Variants in HTT observed in about 807,000 individuals in gnomAD.
The protein encoded by HTT is huntington disease protein.
Under a neutral mutation model 362.3 loss-of-function variants are expected in HTT, and 104 were observed. The observed-to-expected ratio is 0.29, with a 90% CI of 0.24 to 0.34. The LOEUF is 0.34. Ranked by LOEUF, HTT falls within the 10% of genes least tolerant of loss-of-function variation. The pLI, the probability that HTT is intolerant of heterozygous loss-of-function variation, is 1.00. For missense variants in HTT, 3,301 were observed against 3,928.6 expected (o/e 0.84, Z 4.27); for synonymous variants, 1,577 against 1,548.7 (o/e 1.02, Z -0.43).
chr4:3,236,806 A>G (rs967320703), intron 64 of HTT, among the ~76,000 whole-genome samples: 2 of 146,886 alleles, frequency 1.4e-5, no homozygotes, highest in Non-Finnish European at 3.0e-5. Flanking sequence ...GGCTTCCCTC[A>G]CCTGCTCTGG....
At chr4:3,077,913 C>T (rs532870903) in intron 1 of HTT, among the ~76,000 whole-genome samples, 2 of 152,314 alleles carry the variant, frequency 1.3e-5, no homozygotes, top group African/African-American at 2.4e-5. Flanking sequence ...GTTCTGTTCA[C>T]GTGCTTCAGC....
intron 24 of HTT, 44 bp downstream of exon 24, chr4:3,145,272 T>G (rs936063670): frequency 1.6e-5 from 21 of 1,298,282 alleles, no homozygotes; most frequent in Non-Finnish European, 2.2e-5. Flanking sequence ...TCTACAACAG[T>G]ATGACATAAA....
chr4:3,146,492 C>G (rs1315266861), intron 24 of HTT, among the ~76,000 whole-genome samples: 1 of 152,192 alleles, frequency 6.6e-6, no homozygotes, highest in Non-Finnish European at 1.5e-5. Flanking sequence ...GCCCAAATGT[C>G]TGGGTAGCTG....
rs147896751 is a variant in HTT, at chr4:3,183,770, G to T, written c.4866+1300G>T. 2.7e-3 allele frequency among the ~76,000 whole-genome samples: 416 copies of T among 151,448 alleles called. 2 individuals are homozygous for T. The highest frequency in any genetic ancestry group is 9.5e-3 in the African/African-American group (391 of 41,268). The stretch of plus-strand genomic sequence containing the variant: ...AATCTGAGTAGAGTGGAGATCGAAG[G>T]CCTGAATACATAGTAAATACCTGAC... On this transcript the variant is annotated intron_variant, in intron 37 of 66. Coordinates refer to ENST00000355072, the MANE Select transcript of HTT (RefSeq NM_001388492.1).
At chr4:3,134,776 C>T (rs1302990284) in intron 19 of HTT, among the ~76,000 whole-genome samples, 1 of 152,142 alleles carries the variant, frequency 6.6e-6, no homozygotes, top group Admixed American at 6.5e-5. Context: ...GTCGCCCAGG[C>T]TTGAATGCAG....
At chr4:3,186,518 T>G in intron 37 of HTT, 79 bp from the exon 38 acceptor site, 1,646 of 1,491,066 alleles carry the variant, frequency 1.1e-3, no homozygotes, top group Non-Finnish European at 1.4e-3. Flanking sequence ...GATTTGCCCT[T>G]GAGTTACATA....
intron 29 of HTT, 128 bp from the exon 30 acceptor site, chr4:3,172,192 C>A: frequency 1.5e-6 from 1 of 685,246 alleles, no homozygotes; most frequent in South Asian, 1.7e-5. Context: ...TGAAAACTTT[C>A]CTCTGATTTT....
At chr4:3,234,027 T>C (rs1721398685) in intron 61 of HTT, among the ~76,000 whole-genome samples, 1 of 151,990 alleles carries the variant, frequency 6.6e-6, no homozygotes, top group African/African-American at 2.4e-5. Flanking sequence ...GCCACCCACA[T>C]GGGGGAGTTG....
intron 9 of HTT, among the ~76,000 whole-genome samples, chr4:3,122,368 G>C (rs73792195): frequency 0.054 from 8,288 of 152,312 alleles, 690 homozygotes; most frequent in African/African-American, 0.18. Flanking sequence ...GTAGTGCACA[G>C]TGTGTGTGCA....
intron 24 of HTT, 46 bp from the exon 25 acceptor site, chr4:3,146,751 G>T: frequency 6.3e-7 from 1 of 1,579,180 alleles, no homozygotes; most frequent in East Asian, 2.2e-5. Context: ...ACTGTTGTTT[G>T]CTTAAAAATT....
At chr4:3,116,574 A>C (rs1415094858) in intron 8 of HTT, among the ~76,000 whole-genome samples, 1 of 152,172 alleles carries the variant, frequency 6.6e-6, no homozygotes, top group Non-Finnish European at 1.5e-5. Flanking sequence ...CTGATTGAGC[A>C]CCCACTGTGT....
intron 39 of HTT, chr4:3,188,240 T>C (rs1718857634): frequency 5.0e-6 from 1 of 199,894 alleles, no homozygotes; most frequent in Non-Finnish European, 1.0e-5. Context: ...GAGTCTCAGA[T>C]TGTCACCATG....
chr4:3,138,307 ATGG>A (rs1716181374), intron 21 of HTT, among the ~76,000 whole-genome samples: 1 of 152,006 alleles, frequency 6.6e-6, no homozygotes, highest in Admixed American at 6.6e-5. Flanking sequence ...TTTTGGTTAC[ATGG>A]TGAAGTCTGA....
Position 3,181,456 on chromosome 4 carries a change from A to G in HTT, c.4749+805A>G, listed in dbSNP as rs363127. ...TCTGGTTTTGTTTTCTTAAAGTGGCATAAGAATTCAAAGACATTTTGAGGA... is the reference window on the plus strand; with the variant it reads ...TCTGGTTTTGTTTTCTTAAAGTGGCGTAAGAATTCAAAGACATTTTGAGGA... On this transcript the variant is annotated intron_variant, in intron 36 of 66. Coordinates refer to ENST00000355072, the MANE Select transcript of HTT (RefSeq NM_001388492.1). 5.8e-3 allele frequency among the ~76,000 whole-genome samples: 886 copies of G among 152,300 alleles called. 11 individuals are homozygous for G. The highest frequency in any genetic ancestry group is 0.02 in the African/African-American group (843 of 41,550).
In HTT at chr4:3,121,197, G is replaced by T; in HGVS notation, c.1069-31G>T. Reference sequence around the variant, plus strand: ...GCTTAGGATGCATTTTATAAACTCTGACCAGAACACCTGTGTTTCTCTGTT... The same window carrying T: ...GCTTAGGATGCATTTTATAAACTCTTACCAGAACACCTGTGTTTCTCTGTT... On this transcript the variant is annotated intron_variant, in intron 8 of 66. Transcript: ENST00000355072. 6 of 1,557,476 alleles carry T rather than the reference G, an allele frequency of 3.9e-6. No homozygotes were observed. The South Asian group carries it at 6.7e-5, about 17-fold the overall frequency.
chr4:3,228,338 G>C lies in HTT; in HGVS notation c.7849-277G>C, dbSNP rs1721020342. On this transcript the variant is annotated intron_variant, in intron 57 of 66. Coordinates refer to ENST00000355072, the MANE Select transcript of HTT (RefSeq NM_001388492.1). This position sits in a 1 kb window ranked among gnomAD's most constrained non-coding sequence, Gnocchi z 4.3. ...TTAGGAGTGAAAGCATCCCTTCGTA[G>C]AGCCTCTTTCTGTGTCACCCTCCTC... Among the ~76,000 whole-genome samples, 1 of 152,216 alleles carries C rather than the reference G, an allele frequency of 6.6e-6. No individual in the cohort carries two copies. The highest frequency in any genetic ancestry group is 2.4e-5 in the African/African-American group (1 of 41,446).
intron 2 of HTT, among the ~76,000 whole-genome samples, chr4:3,089,323 A>G (rs1249302658): frequency 6.6e-6 from 1 of 151,670 alleles, no homozygotes; most frequent in Non-Finnish European, 1.5e-5. Flanking sequence ...GTGCAATCTC[A>G]GCTCACTGCA....
rs755323215 is a variant in HTT, at chr4:3,180,500, C to T, written c.4613-15C>T. On this transcript the variant is annotated splice_polypyrimidine_tract_variant and intron_variant, in intron 35 of 66. Transcript: ENST00000355072. ...CCATGAAATGCCTGATAAGGGTACCCTTTTGTCCCCACAGCCATACCGGCT... is the reference window on the plus strand; with the variant it reads ...CCATGAAATGCCTGATAAGGGTACCTTTTTGTCCCCACAGCCATACCGGCT... The T allele has an allele frequency of 4.4e-6, 7 of 1,575,916 alleles. No individual in the cohort carries two copies. Among genetic ancestry groups the T allele is most frequent in the Middle Eastern group, 3.4e-4 (2 of 5,898 alleles).
chr4:3,116,096 C>G lies in HTT; in HGVS notation c.901C>G (p.Pro301Ala). The G allele has an allele frequency of 6.2e-7, 1 of 1,610,336 alleles. No homozygotes were observed. The highest frequency in any genetic ancestry group is 8.5e-7 in the Non-Finnish European group (1 of 1,177,830). Reference protein sequence around the residue: ...LLNVLLGLLVPVEDEHSTLLI... With the variant: ...LLNVLLGLLVAVEDEHSTLLI... ...TTCCACCCCCACAGGCTTACTCGTT[C>G]CTGTCGAGGATGAACACTCCACTCT... The change falls in exon 8 of 67, where the codon CCT becomes GCT. Residue 301 changes from proline to alanine, a missense_variant. Physicochemically the swap from Pro to Ala is conservative, Grantham distance 27 (BLOSUM62 -1). This residue lies in a region of HTT where 2,316 missense variants were observed against 2,658.5 expected (regional missense o/e 0.87). Transcript: ENST00000355072.
Sources: allele counts gnomAD v4.1 joint callset (sites outside exome capture counted in the v4.1 genomes callset), GRCh38; gene constraint gnomAD v4.1.1; regional missense constraint gnomAD v4.1.1; non-coding constraint Gnocchi (gnomAD v3.1); transcripts MANE v1.5; gene names NCBI Gene and HGNC (gene_info 2026-07-23, HGNC 2026-07-21).